The following SLC8A1 variants were observed in gnomAD, a reference collection of about 807,000 sequenced individuals.
SLC8A1 encodes sodium/calcium exchanger 1.
SLC8A1 carries 18 observed loss-of-function variants against 68.3 expected under a neutral mutation model. The ratio of observed to expected loss-of-function variants is 0.26; its 90% confidence interval spans 0.18 to 0.39. The LOEUF (loss-of-function observed/expected upper bound fraction) is 0.39. Ranked by LOEUF, SLC8A1 falls within the 10% of genes least tolerant of loss-of-function variation. The probability of loss-of-function intolerance (pLI) is 1.00; values close to 1 mark genes in which losing one functional copy is unlikely to be tolerated. For missense variants in SLC8A1, 985 were observed against 1,156.7 expected, an observed-to-expected ratio of 0.85 and a Z score of 2.15; for synonymous variants, 475 against 415.5, an observed-to-expected ratio of 1.14 and a Z score of -1.74.
At chr2:40,399,298 C>CCTCCTCTACCCCTCGT (rs1198346872) in intron 2 of SLC8A1, among the ~76,000 whole-genome samples, 2 of 150,694 alleles carry the variant, frequency 1.3e-5, no homozygotes, top group African/African-American at 2.4e-5. Context: ...TTTGTGAGGG[C>CCTCCTCTACCCCTCGT]CTCCTCTACC....
At position 40,139,215 on chromosome 2, in the gene SLC8A1, C is replaced by T. The variant is rs73927123; in HGVS notation, c.2437+186G>A. 3.7e-3 allele frequency among the ~76,000 whole-genome samples: 565 copies of T among 152,228 alleles called. 4 individuals are homozygous for T. Among genetic ancestry groups the T allele is most frequent in the African/African-American group, 0.013 (526 of 41,542 alleles). Reference sequence around the variant, plus strand: ...TTCCTGTCATTGCAATGACACTGACCGGCTTTTGAACCTTGAGAAGGGCCA... The same window carrying T: ...TTCCTGTCATTGCAATGACACTGACTGGCTTTTGAACCTTGAGAAGGGCCA... On this transcript the variant is annotated intron_variant, in intron 7 of 7. Transcript: ENST00000406785.
intron 2 of SLC8A1, among the ~76,000 whole-genome samples, chr2:40,184,898 C>CAAAAAAAA (rs66662572): frequency 3.3e-4 from 35 of 106,412 alleles, no homozygotes; most frequent in East Asian, 5.9e-4. Flanking sequence ...TAACCAAAAA[C>CAAAAAAAA]AAAAAAAAAA....
intron 2 of SLC8A1, among the ~76,000 whole-genome samples, chr2:40,415,523 T>A (rs915499719): frequency 6.6e-6 from 1 of 152,044 alleles, no homozygotes; most frequent in Admixed American, 6.6e-5. Context: ...TTGCCACTAA[T>A]CTAATTACTT....
chr2:40,407,091 G>A (rs1010885403), intron 2 of SLC8A1, among the ~76,000 whole-genome samples: 2 of 152,074 alleles, frequency 1.3e-5, no homozygotes, highest in Non-Finnish European at 2.9e-5. Context: ...GTGTGAGAGG[G>A]AGTCTCACTC....
At chr2:40,361,886 C>CTTTTT (rs1559387901) in intron 2 of SLC8A1, among the ~76,000 whole-genome samples, 1 of 80,928 alleles carries the variant, frequency 1.2e-5, no homozygotes, top group Non-Finnish European at 2.5e-5. Context: ...TCTTTTCTTT[C>CTTTTT]CTTTTTTTTT....
intron 6 of SLC8A1, among the ~76,000 whole-genome samples, chr2:40,155,178 G>A (rs2044240707): frequency 1.3e-5 from 2 of 151,966 alleles, no homozygotes; most frequent in African/African-American, 4.8e-5. Flanking sequence ...CACCCAGGCT[G>A]GAGTGCAGTG....
chr2:40,151,291 A>G (rs2043375355), intron 6 of SLC8A1, among the ~76,000 whole-genome samples: 1 of 151,178 alleles, frequency 6.6e-6, no homozygotes, highest in African/African-American at 2.4e-5. Flanking sequence ...GTGTGTATGT[A>G]TTTATATAGA....
At chr2:40,370,711 G>A (rs758705720) in intron 2 of SLC8A1, among the ~76,000 whole-genome samples, 1 of 152,018 alleles carries the variant, frequency 6.6e-6, no homozygotes, top group Admixed American at 6.6e-5. Flanking sequence ...GTATTCTTGA[G>A]TCAGTATCTC....
At chr2:40,493,444 TA>T (rs1705465041) in intron 1 of SLC8A1, among the ~76,000 whole-genome samples, 1 of 151,552 alleles carries the variant, frequency 6.6e-6, no homozygotes, top group Admixed American at 6.6e-5. Flanking sequence ...CACTTATACA[TA>T]TGTAACTAAC....
chr2:40,473,657 G>T (rs894739965), intron 1 of SLC8A1, among the ~76,000 whole-genome samples: 2 of 152,190 alleles, frequency 1.3e-5, no homozygotes, highest in African/African-American at 2.4e-5. Flanking sequence ...TTGCCACACA[G>T]AGCAGTCTTG....
intron 2 of SLC8A1, among the ~76,000 whole-genome samples, chr2:40,398,011 A>G (rs1034232414): frequency 1.3e-5 from 2 of 152,172 alleles, no homozygotes; most frequent in Non-Finnish European, 2.9e-5. Context: ...AAATAACAGA[A>G]TGGGGAGACC....
exon 8 of SLC8A1, chr2:40,114,490 C>G (rs2034986314): frequency 6.5e-6 from 1 of 152,728 alleles, no homozygotes. Context: ...CAGTCCAGAG[C>G]TAAAGAGATA....
At chr2:40,156,242 C>G (rs1362633732) in intron 6 of SLC8A1, among the ~76,000 whole-genome samples, 1 of 152,110 alleles carries the variant, frequency 6.6e-6, no homozygotes, top group Non-Finnish European at 1.5e-5. Flanking sequence ...TGGATGGTAT[C>G]TTAGAGCTAG....
chr2:40,248,568 A>G (rs1056788867), intron 2 of SLC8A1, among the ~76,000 whole-genome samples: 4 of 152,206 alleles, frequency 2.6e-5, no homozygotes, highest in Admixed American at 2.0e-4. Context: ...TTCTGTTGTT[A>G]TAAGCCACCT....
chr2:40,493,825 C>A (rs906175988), intron 1 of SLC8A1, among the ~76,000 whole-genome samples: 4 of 151,884 alleles, frequency 2.6e-5, no homozygotes, highest in Admixed American at 2.6e-4. Context: ...TGTCTATTGA[C>A]AACCAGTCAG....
At chr2:40,229,162 G>A (rs2059340487) in intron 2 of SLC8A1, among the ~76,000 whole-genome samples, 1 of 152,070 alleles carries the variant, frequency 6.6e-6, no homozygotes, top group Non-Finnish European at 1.5e-5. Context: ...CCTGGCTGCT[G>A]ATCACATGTA....
At chr2:40,458,117 C>G (rs1026592071) in intron 1 of SLC8A1, among the ~76,000 whole-genome samples, 4 of 152,210 alleles carry the variant, frequency 2.6e-5, no homozygotes, top group Non-Finnish European at 5.9e-5. Flanking sequence ...GGTCAAATAG[C>G]TAATTTGTGG....
chr2:40,202,385 T>G (rs181073825), intron 2 of SLC8A1, among the ~76,000 whole-genome samples: 1 of 152,084 alleles, frequency 6.6e-6, no homozygotes, highest in Non-Finnish European at 1.5e-5. Context: ...CATCAGATTT[T>G]TTTCTGTAAA....
At chr2:40,501,567 T>C (rs1455187519) in intron 1 of SLC8A1, among the ~76,000 whole-genome samples, 3 of 152,156 alleles carry the variant, frequency 2.0e-5, no homozygotes, top group African/African-American at 7.2e-5. Flanking sequence ...GAAATGTATC[T>C]GTAACTAAAT....
Sources: allele counts gnomAD v4.1 joint callset (sites outside exome capture counted in the v4.1 genomes callset), GRCh38; gene constraint gnomAD v4.1.1; transcripts MANE v1.5; gene names NCBI Gene and HGNC (gene_info 2026-07-23, HGNC 2026-07-21).